ATP8A2: variants seen among roughly 807,000 people sequenced by gnomAD.
ATP8A2 encodes the protein ATPase phospholipid transporting 8A2, also known as phospholipid-transporting ATPase IB.
Under a neutral mutation model 165.6 loss-of-function variants are expected in ATP8A2, and 100 were observed. The observed-to-expected ratio is 0.60, with a 90% CI of 0.51 to 0.71. ATP8A2 has a LOEUF of 0.71. Among genes scored for constraint, ATP8A2 ranks in the 30% least tolerant of loss-of-function variants. The pLI is 0.00. For synonymous variants in ATP8A2, 543 were observed against 548.8 expected (o/e 0.99, Z 0.15); for missense variants, 1,227 against 1,479.5 (o/e 0.83, Z 2.80).
chr13:25,586,926 T>C (rs2039937387), intron 23 of ATP8A2, among the ~76,000 whole-genome samples: 3 of 152,208 alleles, frequency 2.0e-5, no homozygotes, highest in Non-Finnish European at 2.9e-5. Flanking sequence ...ATAGACTATA[T>C]AATATTTTGG....
Position 25,531,254 on chromosome 13 carries a change from ATATATATGATATATATGATATATATGT to A in ATP8A2, c.420+612_420+638del, listed in dbSNP as rs1566229156. Among the ~76,000 whole-genome samples the A allele has an allele frequency of 9.6e-3, 181 of 18,798 alleles. 1 individual carries two copies. The highest frequency in any genetic ancestry group is 0.09 in the East Asian group (7 of 78). 12.3% of individuals were successfully genotyped at this position (18,798 alleles called of 152,430 possible). On this transcript the variant is annotated intron_variant, in intron 4 of 36. Coordinates refer to ENST00000381655, the MANE Select transcript of ATP8A2 (RefSeq NM_016529.6). ...ATATATGATATATATGTTATATATG[ATATATATGATATATATGATATATATGT>A]TATATATGATATATATGTTATATAT...
At chr13:25,748,847 A>C (rs1340852402) in intron 25 of ATP8A2, among the ~76,000 whole-genome samples, 2 of 152,150 alleles carry the variant, frequency 1.3e-5, no homozygotes, top group African/African-American at 4.8e-5. Flanking sequence ...AGCATTTTCA[A>C]AATGTTTTTT....
At position 26,022,281 on chromosome 13, in the gene ATP8A2, G is replaced by T. The variant is rs1419898945; in HGVS notation, c.*2296G>T. The T allele has an allele frequency of 3.3e-5, 5 of 152,160 alleles. No homozygotes were observed. The allele number at this position is 152,160 out of a possible 1,614,324, so 9.4% of individuals were successfully genotyped here. Reference sequence around the variant, plus strand: ...AACTATTCATATTTTGTCTCATTTGGGAACTAAGCCTATTTGGAAAGAGTG... The same window carrying T: ...AACTATTCATATTTTGTCTCATTTGTGAACTAAGCCTATTTGGAAAGAGTG... On this transcript the variant is annotated 3_prime_UTR_variant, in exon 37 of 37. Coordinates refer to ENST00000381655, the MANE Select transcript of ATP8A2 (RefSeq NM_016529.6).
Position 25,624,235 on chromosome 13 carries a change from A to G in ATP8A2, c.2211+34536A>G, listed in dbSNP as rs374666714. ...GGGCATTTCTTTCCTTGCTGGTCTT[A>G]CAAGCTACTGATATATGGCATTTAT... On this transcript the variant is annotated intron_variant, in intron 24 of 36. Coordinates refer to ENST00000381655, the MANE Select transcript of ATP8A2 (RefSeq NM_016529.6). Among the ~76,000 whole-genome samples the G allele has an allele frequency of 1.5e-3, 234 of 152,272 alleles. 1 individual carries two copies. Among genetic ancestry groups the G allele is most frequent in the Middle Eastern group, 3.4e-3 (1 of 294 alleles).
intron 35 of ATP8A2, among the ~76,000 whole-genome samples, chr13:26,001,457 A>G (rs978973079): frequency 9.8e-5 from 15 of 152,302 alleles, no homozygotes; most frequent in East Asian, 3.9e-4. Context: ...CAGTGGCTGC[A>G]CCATTTTACA....
In ATP8A2 at chr13:25,717,757, C is replaced by G. The variant is rs144666474; in HGVS notation, c.2384+18412C>G. 1.1e-4 allele frequency among the ~76,000 whole-genome samples: 16 copies of G among 152,270 alleles called. No individual in the cohort carries two copies. The East Asian group carries it at 3.1e-3, about 29-fold the overall frequency. Reference sequence around the variant, plus strand: ...TCCTTTGGTGGATATGTTTCCTTTTCGAGAGATCAACCCTCATCTGAATGC... The same window carrying G: ...TCCTTTGGTGGATATGTTTCCTTTTGGAGAGATCAACCCTCATCTGAATGC... On this transcript the variant is annotated intron_variant, in intron 25 of 36. Coordinates refer to ENST00000381655, the MANE Select transcript of ATP8A2 (RefSeq NM_016529.6).
chr13:25,640,619 A>G lies in ATP8A2; in HGVS notation c.2211+50920A>G, dbSNP rs141134465. On this transcript the variant is annotated intron_variant, in intron 24 of 36. Transcript: ENST00000381655. ...AAATTGAGGCAATAATTAATAGCCT[A>G]CTAACCAAAAAAAGTCCAGGAGCAG... 0.017 allele frequency among the ~76,000 whole-genome samples: 2,597 copies of G among 152,296 alleles called. 190 individuals carry two copies. The East Asian group carries it at 0.24, about 14-fold the overall frequency.
chr13:25,822,306 A>G (rs891058195), intron 27 of ATP8A2, among the ~76,000 whole-genome samples: 4 of 152,178 alleles, frequency 2.6e-5, no homozygotes, highest in Non-Finnish European at 2.9e-5. Flanking sequence ...TGTGTTGAAT[A>G]TTATGTGATT....
chr13:25,804,229 G>A (rs117458795), intron 27 of ATP8A2, among the ~76,000 whole-genome samples: 2,201 of 152,210 alleles, frequency 0.014, 25 homozygotes, highest in Middle Eastern at 0.048. Context: ...AGGAATGGCC[G>A]TTTTAATGAT....
chr13:25,699,974 A>G lies in ATP8A2; in HGVS notation c.2384+629A>G, dbSNP rs78063148. Among the ~76,000 whole-genome samples, 168 of 152,236 alleles carry G rather than the reference A, an allele frequency of 1.1e-3. 2 individuals carry two copies. Among genetic ancestry groups the G allele is most frequent in the African/African-American group, 3.9e-3 (160 of 41,542 alleles). On this transcript the variant is annotated intron_variant, in intron 25 of 36. Transcript: ENST00000381655. ...AAGACAGTAAACCACTAGAAAGATGAGTGGTCACCAAAGGTCACAGAGAGC... is the reference window on the plus strand; with the variant it reads ...AAGACAGTAAACCACTAGAAAGATGGGTGGTCACCAAAGGTCACAGAGAGC...
intron 24 of ATP8A2, among the ~76,000 whole-genome samples, chr13:25,683,468 A>T (rs1456808200): frequency 6.6e-6 from 1 of 152,194 alleles, no homozygotes; most frequent in African/African-American, 2.4e-5. Context: ...GTTTCAGTCT[A>T]CACATTTGTA....
At chr13:25,966,198 C>G (rs1271785471) in intron 34 of ATP8A2, among the ~76,000 whole-genome samples, 2 of 152,136 alleles carry the variant, frequency 1.3e-5, no homozygotes, top group African/African-American at 2.4e-5. Context: ...CTGTGGTCAT[C>G]CAGCCTCTCG....
At chr13:25,865,853 A>C (rs1422750563) in intron 33 of ATP8A2, among the ~76,000 whole-genome samples, 4 of 152,218 alleles carry the variant, frequency 2.6e-5, no homozygotes, top group Non-Finnish European at 5.9e-5. Flanking sequence ...TAGTAATAAA[A>C]ACTTAGGTTG....
intron 24 of ATP8A2, among the ~76,000 whole-genome samples, chr13:25,642,513 C>T (rs1397458670): frequency 6.6e-6 from 1 of 152,176 alleles, no homozygotes; most frequent in East Asian, 1.9e-4. Flanking sequence ...AATCACTGGC[C>T]ATCAGAGAAA....
At chr13:25,491,929 C>G (rs1047667610) in intron 2 of ATP8A2, among the ~76,000 whole-genome samples, 3 of 152,074 alleles carry the variant, frequency 2.0e-5, no homozygotes, top group African/African-American at 7.2e-5. Context: ...CAGTCTGTAA[C>G]CAAAGGATCA....
chr13:25,860,703 T>A, intron 31 of ATP8A2, 101 bp from the exon 32 acceptor site: 1 of 902,192 alleles, frequency 1.1e-6, no homozygotes, highest in Non-Finnish European at 1.8e-6. Context: ...GGAGCTGCCT[T>A]GGGGAAGCTA....
chr13:25,848,626 T>TGGCAATAGAGGAGAAAATCC (rs1193411094), intron 30 of ATP8A2, among the ~76,000 whole-genome samples: 9 of 152,188 alleles, frequency 5.9e-5, no homozygotes, highest in Non-Finnish European at 1.0e-4. Context: ...CCAGCAGAAA[T>TGGCAATAGAGGAGAAAATCC]GGCAATAGAG....
At chr13:25,760,202 A>G (rs539875043) in intron 25 of ATP8A2, among the ~76,000 whole-genome samples, 1 of 152,300 alleles carries the variant, frequency 6.6e-6, no homozygotes, top group East Asian at 1.9e-4. Flanking sequence ...CCTCACCACT[A>G]ACAACTGTAG....
At chr13:26,007,277 C>T (rs1956761588) in intron 35 of ATP8A2, among the ~76,000 whole-genome samples, 2 of 152,104 alleles carry the variant, frequency 1.3e-5, no homozygotes, top group Non-Finnish European at 2.9e-5. Flanking sequence ...GTCTCCTTTC[C>T]TCCAAAGAAG....
Sources: allele counts gnomAD v4.1 joint callset (sites outside exome capture counted in the v4.1 genomes callset), GRCh38; gene constraint gnomAD v4.1.1; transcripts MANE v1.5; gene names NCBI Gene and HGNC (gene_info 2026-07-23, HGNC 2026-07-21).